Variants in PPARGC1A observed in about 807,000 individuals in gnomAD.
PPARGC1A encodes the protein peroxisome proliferator-activated receptor gamma coactivator 1-alpha.
PPARGC1A carries 25 observed loss-of-function variants against 88.7 expected under a neutral mutation model. The observed-to-expected ratio is 0.28, with a 90% CI of 0.21 to 0.39. PPARGC1A has a LOEUF of 0.39. Ranked by LOEUF, PPARGC1A falls within the 10% of genes least tolerant of loss-of-function variation. The probability of loss-of-function intolerance (pLI) is 1.00; values close to 1 mark genes in which losing one functional copy is unlikely to be tolerated. For missense variants in PPARGC1A, 880 were observed against 968.7 expected (o/e 0.91, Z 1.22); for synonymous variants, 363 against 355.6 (o/e 1.02, Z -0.24).
the PPARGC1A span, among the ~76,000 whole-genome samples, chr4:24,053,412 G>T: frequency 2.6e-5 from 4 of 152,124 alleles, no homozygotes; most frequent in African/African-American, 9.7e-5. Context: ...ATGGGTGAAA[G>T]TTGCATGCAT....
the PPARGC1A span, among the ~76,000 whole-genome samples, chr4:24,230,489 G>T: frequency 7.9e-5 from 12 of 152,112 alleles, no homozygotes; most frequent in Admixed American, 3.3e-4. Flanking sequence ...ACTTTTCGCT[G>T]GTTCCTGATG....
the PPARGC1A span, among the ~76,000 whole-genome samples, chr4:24,121,667 A>G: frequency 7.2e-5 from 11 of 152,276 alleles, no homozygotes; most frequent in Admixed American, 5.9e-4. Context: ...ACACAGCTAT[A>G]TATTTTAAAT....
At chr4:24,293,838 A>C in the PPARGC1A span, among the ~76,000 whole-genome samples, 1 of 151,982 alleles carries the variant, frequency 6.6e-6, no homozygotes, top group Middle Eastern at 3.2e-3. Flanking sequence ...TCTATTTTGA[A>C]CTTAAAACCA....
chr4:23,933,691 C>T, the PPARGC1A span, among the ~76,000 whole-genome samples: 1 of 152,174 alleles, frequency 6.6e-6, no homozygotes, highest in Non-Finnish European at 1.5e-5. Flanking sequence ...CTTGCCTGTG[C>T]CATGTGTATA....
the PPARGC1A span, among the ~76,000 whole-genome samples, chr4:24,247,889 T>C: frequency 1.3e-5 from 2 of 152,200 alleles, no homozygotes; most frequent in African/African-American, 2.4e-5. Context: ...ACTGGTCTTC[T>C]GTTTCTGTCA....
the PPARGC1A span, among the ~76,000 whole-genome samples, chr4:24,239,481 T>C: frequency 6.6e-6 from 1 of 152,218 alleles, no homozygotes; most frequent in African/African-American, 2.4e-5. Flanking sequence ...TGCGTGATCT[T>C]GTACAAGTCA....
At chr4:23,839,452 A>G (rs1448034177) in intron 2 of PPARGC1A, among the ~76,000 whole-genome samples, 1 of 152,078 alleles carries the variant, frequency 6.6e-6, no homozygotes, top group African/African-American at 2.4e-5. Flanking sequence ...AAGGCATTCT[A>G]TTTGTTCTCA....
At chr4:24,167,787 T>C in the PPARGC1A span, among the ~76,000 whole-genome samples, 1 of 152,190 alleles carries the variant, frequency 6.6e-6, no homozygotes, top group Non-Finnish European at 1.5e-5. Flanking sequence ...AGAGTCTCAC[T>C]CTGTCACCCA....
intron 2 of PPARGC1A, among the ~76,000 whole-genome samples, chr4:23,836,927 A>C (rs1726129699): frequency 6.6e-6 from 1 of 152,170 alleles, no homozygotes; most frequent in Non-Finnish European, 1.5e-5. Context: ...ACCTGAAGGG[A>C]GAAATGCAGA....
chr4:24,030,553 C>T, the PPARGC1A span, among the ~76,000 whole-genome samples: 7 of 152,154 alleles, frequency 4.6e-5, no homozygotes, highest in Admixed American at 2.0e-4. Flanking sequence ...AATATTTCCC[C>T]GTAATACAGC....
rs1183770528 is a variant in PPARGC1A, at chr4:23,828,551, T to C, written c.606A>G (p.Pro202=). The change falls in exon 5 of 13, where the codon CCA becomes CCG. Residue 202 remains proline, a synonymous_variant. Coordinates refer to ENST00000264867, the MANE Select transcript of PPARGC1A (RefSeq NM_013261.5). The part of the protein sequence containing the change: ...KAKSICQQQK[P]QRRPCSELLK... ...GAAGCTCCGAGCAGGGACGTCTTTGTGGCTTTTGCTGTTGACAAATACTCT... is the reference window on the plus strand; with the variant it reads ...GAAGCTCCGAGCAGGGACGTCTTTGCGGCTTTTGCTGTTGACAAATACTCT... 1 of 1,614,192 alleles carries C rather than the reference T, an allele frequency of 6.2e-7. No individual in the cohort carries two copies. The highest frequency in any genetic ancestry group is 1.1e-5 in the South Asian group (1 of 91,080).
chr4:24,259,601 C>T, the PPARGC1A span, among the ~76,000 whole-genome samples: 3 of 152,090 alleles, frequency 2.0e-5, no homozygotes, highest in African/African-American at 7.2e-5. Context: ...TTACAATTGC[C>T]TAAAGTATTT....
the PPARGC1A span, among the ~76,000 whole-genome samples, chr4:24,202,996 A>T: frequency 6.6e-6 from 1 of 152,180 alleles, no homozygotes; most frequent in South Asian, 2.1e-4. Flanking sequence ...ACTCGCCAGA[A>T]AGAGGCTCTT....
the PPARGC1A span, among the ~76,000 whole-genome samples, chr4:24,119,917 GC>G: frequency 1.3e-5 from 2 of 152,034 alleles, no homozygotes; most frequent in Admixed American, 1.3e-4. Flanking sequence ...AGCTTTATTA[GC>G]CATCATAAAT....
At chr4:23,929,439 A>G in the PPARGC1A span, among the ~76,000 whole-genome samples, 1 of 152,210 alleles carries the variant, frequency 6.6e-6, no homozygotes, top group Non-Finnish European at 1.5e-5. Context: ...TGAACAGCAC[A>G]TGCAAGTTTG....
chr4:23,964,788 A>G, the PPARGC1A span, among the ~76,000 whole-genome samples: 1 of 152,176 alleles, frequency 6.6e-6, no homozygotes, highest in Non-Finnish European at 1.5e-5. Context: ...GAATTCTTAA[A>G]GAAGTTCAAT....
chr4:24,349,403 T>C, the PPARGC1A span, among the ~76,000 whole-genome samples: 1 of 152,080 alleles, frequency 6.6e-6, no homozygotes, highest in Non-Finnish European at 1.5e-5. Context: ...CCAGGGTGGA[T>C]AGGGAAGGGC....
intron 2 of PPARGC1A, among the ~76,000 whole-genome samples, chr4:23,853,863 A>G (rs565403852): frequency 2.0e-5 from 3 of 152,302 alleles, no homozygotes; most frequent in Admixed American, 2.0e-4. Context: ...CTACAGTCAG[A>G]CTGCCTGGGC....
the PPARGC1A span, among the ~76,000 whole-genome samples, chr4:24,451,797 C>T: frequency 6.6e-6 from 1 of 152,118 alleles, no homozygotes; most frequent in Non-Finnish European, 1.5e-5. Context: ...AGGATGATCT[C>T]GATCTCTTGA....
Sources: gnomAD v4.1 joint callset for allele counts (sites outside exome capture counted in the v4.1 genomes callset) on GRCh38, gnomAD v4.1.1 for gene constraint, MANE v1.5 for transcripts, NCBI Gene and HGNC (gene_info 2026-07-23, HGNC 2026-07-21) for gene names.